Variants in MRNIP observed in about 807,000 individuals in gnomAD.
MRNIP encodes the protein MRN complex-interacting protein.
Under a neutral mutation model 29.8 loss-of-function variants are expected in MRNIP, and 30 were observed. The ratio of observed to expected loss-of-function variants is 1.01; its 90% confidence interval spans 0.75 to 1.36. MRNIP has a LOEUF of 1.36. Among genes scored for constraint, MRNIP ranks in the 40% most tolerant of loss-of-function variants. The probability of loss-of-function intolerance (pLI) is 0.00; values close to 1 mark genes in which losing one functional copy is unlikely to be tolerated. For synonymous variants in MRNIP, 201 were observed against 164.1 expected (o/e 1.23, Z -1.72); for missense variants, 459 against 423.5 (o/e 1.08, Z -0.74).
chr5:179,847,161 C>CA (rs1759169699), intron 3 of MRNIP: 1 of 71,012 alleles, frequency 1.4e-5, no homozygotes. Flanking sequence ...GAGTTACTTA[C>CA]TTTTTTTTTT....
intron 5 of MRNIP, 159 bp downstream of exon 5, chr5:179,841,747 TG>T: frequency 1.3e-6 from 1 of 742,622 alleles, no homozygotes; most frequent in Non-Finnish European, 2.2e-6. Context: ...AGGTGGGCTG[TG>T]GGGCCAGCAG....
At chr5:179,846,532 C>T (rs896631808) in intron 3 of MRNIP, among the ~76,000 whole-genome samples, 3 of 152,016 alleles carry the variant, frequency 2.0e-5, no homozygotes, top group Admixed American at 1.3e-4. Context: ...CCATCTGCCC[C>T]GGCCTCCCAG....
Position 179,844,172 on chromosome 5 carries a change from C to A in MRNIP, c.271G>T (p.Ala91Ser). 1 of 1,614,144 alleles carries A rather than the reference C, an allele frequency of 6.2e-7. No individual in the cohort carries two copies. Among genetic ancestry groups the A allele is most frequent in the Admixed American group, 1.7e-5 (1 of 60,026 alleles). Residue 91 changes from alanine (A) to serine (S), a missense_variant, in exon 4 of 7, where the codon GCT becomes TCT. Transcript: ENST00000292586. ...SEEENVGHQQ[A>S]GNVKQQEKSQ... is the part of the protein sequence containing the mutation. ...CTTACCTGCTGCTTCACATTCCCAGCCTGCTGGTGTCCCACGTTTTCTTCT... is the reference window on the plus strand; with the variant it reads ...CTTACCTGCTGCTTCACATTCCCAGACTGCTGGTGTCCCACGTTTTCTTCT...
intron 6 of MRNIP, chr5:179,838,414 G>A (rs746862984): frequency 9.1e-5 from 15 of 165,622 alleles, no homozygotes; most frequent in East Asian, 1.6e-4. Context: ...AGTGGCTCAC[G>A]CCTGTAATCC....
chr5:179,858,708 G>A lies in MRNIP; in HGVS notation c.66+23C>T, dbSNP rs779330292. ...CGCTGTCCCCGCGCCGGAGGAGGAGGAGGGGGCTGGCACCCGCCAGACCTG... is the reference window on the plus strand; with the variant it reads ...CGCTGTCCCCGCGCCGGAGGAGGAGAAGGGGGCTGGCACCCGCCAGACCTG... On this transcript the variant is annotated intron_variant, in intron 1 of 6. Transcript: ENST00000292586. 2.8e-6 allele frequency: 4 copies of A among 1,440,032 alleles called. No homozygotes were observed. The Admixed American group carries it at 8.8e-5, about 32-fold the overall frequency. 89.2% of individuals were successfully genotyped at this position (1,440,032 alleles called of 1,614,324 possible). A position where few individuals can be genotyped will look rare whatever the true frequency, so the allele number is the denominator to read the frequency against.
At chr5:179,854,585 C>T (rs554453132) in intron 1 of MRNIP, among the ~76,000 whole-genome samples, 57 of 150,612 alleles carry the variant, frequency 3.8e-4, no homozygotes, top group East Asian at 1.0e-3. Context: ...GAGGCCAGCC[C>T]GGGTAGCATG....
chr5:179,855,904 G>C lies in MRNIP; in HGVS notation c.67-2467C>G, dbSNP rs550142310. 3.8e-4 allele frequency among the ~76,000 whole-genome samples: 50 copies of C among 131,430 alleles called. 2 individuals are homozygous for C. The East Asian group carries it at 0.01, about 27-fold the overall frequency. 86.2% of individuals were successfully genotyped at this position (131,430 alleles called of 152,430 possible). A position where few individuals can be genotyped will look rare whatever the true frequency, so the allele number is the denominator to read the frequency against. ...ATGAGTATATAAACAAGTAAGAAAAGTTGTTTTTTTTTTTTTTTTTTTGAG... is the reference window on the plus strand; with the variant it reads ...ATGAGTATATAAACAAGTAAGAAAACTTGTTTTTTTTTTTTTTTTTTTGAG... On this transcript the variant is annotated intron_variant, in intron 1 of 6. Transcript: ENST00000292586.
intron 3 of MRNIP, among the ~76,000 whole-genome samples, chr5:179,846,795 C>T (rs1196961594): frequency 2.0e-5 from 3 of 152,182 alleles, no homozygotes; most frequent in Non-Finnish European, 2.9e-5. Context: ...AAGGTCAATA[C>T]AGGCAAGCTG....
rs1758850622 is a variant in MRNIP, at chr5:179,840,865, CACTG to C, written c.537+3_537+6del. On this transcript the variant is annotated splice_donor_5th_base_variant and intron_variant, in intron 6 of 6. Transcript: ENST00000292586. ...CTGGGACCAGAGAGAAACTGTTTGT[CACTG>C]ACCTTCTGGGGTCCCCAGGCGACCT... 6.3e-7 allele frequency: 1 copy of C among 1,597,672 alleles called. No individual in the cohort carries two copies. Among genetic ancestry groups the C allele is most frequent in the East Asian group, 2.2e-5 (1 of 44,676 alleles).
At chr5:179,853,506 G>A in intron 1 of MRNIP, 69 bp from the exon 2 acceptor site, 1 of 1,326,146 alleles carries the variant, frequency 7.5e-7, no homozygotes, top group Non-Finnish European at 1.1e-6. Flanking sequence ...GCTGGACTCG[G>A]TGGCTCATGC....
intron 4 of MRNIP, among the ~76,000 whole-genome samples, chr5:179,842,904 G>A (rs546531548): frequency 5.4e-4 from 82 of 151,562 alleles, no homozygotes; most frequent in South Asian, 4.8e-3. Flanking sequence ...GTGGTGGTGC[G>A]TGCCTGTAAT....
At chr5:179,841,686 C>A (rs981416928) in intron 5 of MRNIP, 6 of 595,374 alleles carry the variant, frequency 1.0e-5, no homozygotes. Flanking sequence ...AGGGTGTGCA[C>A]ACGGGTGTCC....
At chr5:179,856,043 C>A (rs754326641) in intron 1 of MRNIP, among the ~76,000 whole-genome samples, 2 of 150,704 alleles carry the variant, frequency 1.3e-5, no homozygotes, top group African/African-American at 2.4e-5. Flanking sequence ...CAAGTAGCTG[C>A]GATTACAGGT....
At chr5:179,852,935 C>A (rs1283188852) in intron 2 of MRNIP, among the ~76,000 whole-genome samples, 1 of 152,238 alleles carries the variant, frequency 6.6e-6, no homozygotes, top group Admixed American at 6.5e-5. Flanking sequence ...ACCTCCACCT[C>A]CACCAACGGC....
At chr5:179,837,941 A>AG in intron 6 of MRNIP, 56 bp from the exon 7 acceptor site, 1 of 1,535,916 alleles carries the variant, frequency 6.5e-7, no homozygotes, top group Non-Finnish European at 8.8e-7. Context: ...AGGGCCCAGG[A>AG]GGACCGCCTG....
intron 1 of MRNIP, among the ~76,000 whole-genome samples, chr5:179,856,937 A>T (rs1426964292): frequency 1.3e-5 from 2 of 152,134 alleles, no homozygotes; most frequent in African/African-American, 4.8e-5. Flanking sequence ...AAAAAATATA[A>T]AAATTAGCTG....
At chr5:179,840,493 G>C (rs1044518507) in intron 6 of MRNIP, 3 of 388,604 alleles carry the variant, frequency 7.7e-6, no homozygotes, top group African/African-American at 6.2e-5. Context: ...TGCGAGTGTG[G>C]AGGGAAGCAT....
chr5:179,844,226 A>T lies in MRNIP; in HGVS notation c.217T>A (p.Ser73Thr). The stretch of plus-strand genomic sequence containing the variant: ...CTGGCACTGACAGTTTCTTCTAGAG[A>T]CCTTCAGGGAAGACCATACATATGC... ...QGQVSELPLR[S>T]LEETVSASEE... is the part of the protein sequence containing the mutation. Residue 73 changes from serine to threonine, a missense_variant and splice_region_variant, in exon 4 of 7, where the codon TCT becomes ACT. Ser to Thr is a moderately conservative substitution (Grantham distance 58). Coordinates refer to ENST00000292586, the MANE Select transcript of MRNIP (RefSeq NM_016175.4). 1 of 1,613,576 alleles carries T rather than the reference A, an allele frequency of 6.2e-7. No individual in the cohort carries two copies. The highest frequency in any genetic ancestry group is 1.1e-5 in the South Asian group (1 of 91,078).
chr5:179,840,717 A>C lies in MRNIP; in HGVS notation c.537+155T>G, dbSNP rs1436957726. On this transcript the variant is annotated intron_variant, in intron 6 of 6. Transcript: ENST00000292586. ...AAAGGGGGTACAGACCCGAGGAAGG[A>C]GTTGGCTTCAGACAGAAAAGACAAG... 15 of 651,872 alleles carry C rather than the reference A, an allele frequency of 2.3e-5. No individual in the cohort carries two copies. In the South Asian group the frequency reaches 2.4e-4, roughly 11 times the overall value. The allele number at this position is 651,872 out of a possible 1,614,324, so 40.4% of individuals were successfully genotyped here.
Sources: gnomAD v4.1 joint callset for allele counts (sites outside exome capture counted in the v4.1 genomes callset) on GRCh38, gnomAD v4.1.1 for gene constraint, MANE v1.5 for transcripts, NCBI Gene and HGNC (gene_info 2026-07-23, HGNC 2026-07-21) for gene names.